Variants in AK9 observed in about 807,000 individuals in gnomAD.
The protein encoded by AK9 is adenylate kinase domain containing 1.
In AK9, 191 loss-of-function variants were observed where a neutral mutation model predicts 239.6. That is an observed-to-expected ratio of 0.80 (90% CI 0.71 to 0.90). The LOEUF is 0.90. Ranked by LOEUF, AK9 falls within the 40% of genes least tolerant of loss-of-function variation. The pLI, the probability that AK9 is intolerant of heterozygous loss-of-function variation, is 0.00. For synonymous variants in AK9, 689 were observed against 721.0 expected, an observed-to-expected ratio of 0.96 and a Z score of 0.71; for missense variants, 1,995 against 2,214.7, an observed-to-expected ratio of 0.90 and a Z score of 1.99.
At chr6:109,498,110 A>T in intron 36 of AK9, 145 bp from the exon 37 acceptor site, 3 of 720,684 alleles carry the variant, frequency 4.2e-6, no homozygotes, top group Non-Finnish European at 6.8e-6. Context: ...CTCTCCTCTG[A>T]AAGGAAGTTC....
At chr6:109,667,965 G>T (rs1035031090) in intron 5 of AK9, among the ~76,000 whole-genome samples, 1 of 152,176 alleles carries the variant, frequency 6.6e-6, no homozygotes, top group Admixed American at 6.5e-5. Context: ...CTAGATCCCT[G>T]AGGAATCGCC....
intron 23 of AK9, 41 bp downstream of exon 23, chr6:109,564,039 C>A: frequency 1.3e-6 from 2 of 1,504,150 alleles, no homozygotes; most frequent in South Asian, 2.5e-5. Flanking sequence ...CTAATACTAT[C>A]ACCTGCTGTT....
intron 17 of AK9, among the ~76,000 whole-genome samples, chr6:109,604,015 C>A (rs917819372): frequency 6.6e-6 from 1 of 152,210 alleles, no homozygotes; most frequent in Non-Finnish European, 1.5e-5. Context: ...ACCCCTTTTG[C>A]TTCCCAGGTG....
At chr6:109,559,215 C>T (rs994700108) in intron 24 of AK9, among the ~76,000 whole-genome samples, 16 of 149,746 alleles carry the variant, frequency 1.1e-4, no homozygotes, top group African/African-American at 2.0e-4. Flanking sequence ...GTCGCCCAGG[C>T]GGAGTGCAGT....
intron 22 of AK9, 39 bp downstream of exon 22, chr6:109,564,717 T>A (rs1786241041): frequency 2.1e-6 from 3 of 1,440,668 alleles, no homozygotes; most frequent in Non-Finnish European, 2.8e-6. Context: ...ATATGAAAAG[T>A]ACTTTTATGC....
intron 33 of AK9, 36 bp from the exon 34 acceptor site, chr6:109,506,836 T>G: frequency 6.9e-7 from 1 of 1,458,666 alleles, no homozygotes; most frequent in East Asian, 2.5e-5. Context: ...AAATTCCACA[T>G]TTCTTTTTCT....
chr6:109,553,046 T>A (rs1784543184), intron 24 of AK9, among the ~76,000 whole-genome samples: 1 of 152,188 alleles, frequency 6.6e-6, no homozygotes. Context: ...AGGTCTCTGT[T>A]CTATTCCATT....
At chr6:109,618,274 A>G (rs1393074425) in intron 13 of AK9, among the ~76,000 whole-genome samples, 1 of 152,204 alleles carries the variant, frequency 6.6e-6, no homozygotes, top group Admixed American at 6.5e-5. Flanking sequence ...AGGACATTCC[A>G]TTAAGAGGAA....
intron 15 of AK9, among the ~76,000 whole-genome samples, chr6:109,613,855 A>G (rs1344216054): frequency 6.6e-6 from 1 of 152,044 alleles, no homozygotes; most frequent in Non-Finnish European, 1.5e-5. Context: ...TGGCCTTAAG[A>G]TGCTCTGATT....
At chr6:109,566,400 T>C (rs1159142953) in intron 21 of AK9, among the ~76,000 whole-genome samples, 4 of 152,128 alleles carry the variant, frequency 2.6e-5, no homozygotes, top group Non-Finnish European at 5.9e-5. Context: ...GATCCAAAGA[T>C]TCAGATGAAA....
intron 29 of AK9, among the ~76,000 whole-genome samples, chr6:109,527,461 A>G (rs779096270): frequency 3.3e-5 from 5 of 152,190 alleles, no homozygotes; most frequent in Non-Finnish European, 5.9e-5. Flanking sequence ...GAGCTCCAGT[A>G]TAGATGTGGA....
chr6:109,657,279 T>A (rs943048936), intron 7 of AK9, among the ~76,000 whole-genome samples: 11 of 152,224 alleles, frequency 7.2e-5, no homozygotes, highest in African/African-American at 1.9e-4. Flanking sequence ...AATAGAACAG[T>A]GAACAAAACC....
chr6:109,508,268 C>T (rs1168584674), intron 33 of AK9, among the ~76,000 whole-genome samples: 1 of 152,092 alleles, frequency 6.6e-6, no homozygotes, highest in African/African-American at 2.4e-5. Flanking sequence ...CTTCTTTGTC[C>T]TGTGAAGAGT....
chr6:109,648,843 T>A (rs1172302478), intron 8 of AK9, among the ~76,000 whole-genome samples: 6 of 152,200 alleles, frequency 3.9e-5, no homozygotes, highest in Non-Finnish European at 7.3e-5. Flanking sequence ...AAATCCTCAA[T>A]AAAATACTGG....
At chr6:109,527,037 G>T (rs764674942) in intron 29 of AK9, among the ~76,000 whole-genome samples, 2 of 152,086 alleles carry the variant, frequency 1.3e-5, no homozygotes, top group Non-Finnish European at 2.9e-5. Flanking sequence ...TTGCTCCCCG[G>T]GCTTCCTGTC....
chr6:109,602,719 T>C (rs1438645608), intron 17 of AK9, among the ~76,000 whole-genome samples: 1 of 152,224 alleles, frequency 6.6e-6, no homozygotes, highest in African/African-American at 2.4e-5. Flanking sequence ...CAATCAGACG[T>C]AGATTTGGTC....
chr6:109,603,925 G>A (rs187166048), intron 17 of AK9, among the ~76,000 whole-genome samples: 32 of 152,296 alleles, frequency 2.1e-4, no homozygotes, highest in South Asian at 6.2e-4. Flanking sequence ...TTGGAAAAGC[G>A]CAGTATTAGG....
At chr6:109,577,438 G>A (rs942412238) in intron 20 of AK9, among the ~76,000 whole-genome samples, 17 of 150,836 alleles carry the variant, frequency 1.1e-4, no homozygotes, top group Non-Finnish European at 2.2e-4. Flanking sequence ...ATATTGGTCT[G>A]GTTCCTTTTT....
At chr6:109,509,425 CA>C (rs773203851) in intron 32 of AK9, 45 bp from the exon 33 acceptor site, 36 of 1,493,306 alleles carry the variant, frequency 2.4e-5, no homozygotes, top group South Asian at 1.4e-4. Flanking sequence ...GATTTAGATT[CA>C]GGGGGGACAT....
Sources: allele counts gnomAD v4.1 joint callset (sites outside exome capture counted in the v4.1 genomes callset), GRCh38; gene constraint gnomAD v4.1.1; transcripts MANE v1.5; gene names NCBI Gene and HGNC (gene_info 2026-07-23, HGNC 2026-07-21).